The following USP11 variants were observed in gnomAD, a reference collection of about 807,000 sequenced individuals.
The protein encoded by USP11 is ubiquitin carboxyl-terminal hydrolase 11.
USP11 carries 5 observed loss-of-function variants against 72.8 expected under a neutral mutation model. That is an observed-to-expected ratio of 0.07 (90% CI 0.04 to 0.14). The LOEUF is 0.14. USP11 is among the 10% of genes least tolerant of loss of function. The probability of loss-of-function intolerance (pLI) is 1.00; values close to 1 mark genes in which losing one functional copy is unlikely to be tolerated. For synonymous variants in USP11, 368 were observed against 326.5 expected (o/e 1.13, Z -1.37); for missense variants, 480 against 794.7 (o/e 0.60, Z 4.76).
At chrX:47,237,413 T>G (rs956016922) in intron 1 of USP11, among the ~76,000 whole-genome samples, 3 of 111,351 alleles carry the variant, frequency 2.7e-5, no homozygotes, top group African/African-American at 9.8e-5. Context: ...AGGTGACTTG[T>G]GACTATTCCA....
rs779991733 is a variant in USP11 at position 47,233,066 on chromosome X, C to T, written c.23C>T (p.Pro8Leu). The T allele has an allele frequency of 1.1e-5, 13 of 1,208,049 alleles. No individual in the cohort carries two copies. The Admixed American group carries it at 2.9e-4, about 27-fold the overall frequency. Residue 8 changes from proline to leucine, a missense_variant, in exon 1 of 21, where the codon CCA (proline) becomes CTA (leucine). By Grantham distance (98) the Pro-to-Leu change is moderately conservative (BLOSUM62 -3). Transcript: ENST00000377107. ...GCGATGGCGACGGTCGCAGCAAATC[C>T]AGCTGCTGCTGCGGCGGCTGTGGCG... The part of the protein sequence containing the change: MATVAAN[P>L]AAAAAAVAAA...
intron 1 of USP11, among the ~76,000 whole-genome samples, chrX:47,236,446 T>C (rs1212008085): frequency 8.9e-6 from 1 of 112,620 alleles, no homozygotes; most frequent in Non-Finnish European, 1.9e-5. Flanking sequence ...TTCTGTCTTT[T>C]GTCAGCTGGC....
At chrX:47,244,097 C>CTTTTT (rs200759841) in intron 13 of USP11, among the ~76,000 whole-genome samples, 2 of 92,270 alleles carry the variant, frequency 2.2e-5, no homozygotes, top group Admixed American at 1.2e-4. Flanking sequence ...CGCTCCATAC[C>CTTTTT]TTTTTTTTTT....
intron 12 of USP11, 68 bp downstream of exon 12, chrX:47,242,788 G>A (rs1464429715): frequency 2.3e-6 from 2 of 851,719 alleles, no homozygotes; most frequent in African/African-American, 2.0e-5. Context: ...GTATGGTCCT[G>A]CCTTAACCAC....
intron 1 of USP11, 79 bp from the exon 2 acceptor site, chrX:47,238,991 C>A: frequency 1.6e-6 from 1 of 642,722 alleles, no homozygotes; most frequent in Non-Finnish European, 2.4e-6. Context: ...TCAATACTTT[C>A]AGTCTGTTGG....
chrX:47,238,253 T>G (rs1569234608), intron 1 of USP11, among the ~76,000 whole-genome samples: 2 of 104,278 alleles, frequency 1.9e-5, no homozygotes, highest in African/African-American at 7.1e-5. Context: ...AGTGATGCAG[T>G]CTCGGCTCAC....
intron 12 of USP11, among the ~76,000 whole-genome samples, chrX:47,243,001 C>T (rs893626997): frequency 6.7e-4 from 75 of 111,636 alleles, no homozygotes; most frequent in Admixed American, 1.7e-3. Context: ...CGGTGGCTCA[C>T]GCCTGTAATC....
Position 47,241,306 on chromosome X carries a change from G to A in USP11, c.876G>A (p.Glu292=). ...QCLSNVPQLT[E]YFLNNCYLEE... is the part of the protein sequence containing the mutation. ...TCAGCAATGTGCCACAGCTCACCGA[G>A]TACTTCCTCAACAACTGCTACCTGG... The change falls in exon 8 of 21, where the codon GAG becomes GAA. Residue 292 remains glutamate, a synonymous_variant. Transcript: ENST00000377107. The A allele has an allele frequency of 1.7e-6, 2 of 1,210,561 alleles. No individual in the cohort carries two copies. Among genetic ancestry groups the A allele is most frequent in the South Asian group, 3.5e-5 (2 of 56,745 alleles).
Position 47,247,029 on chromosome X carries a change from A to G in USP11, c.2271-43A>G, listed in dbSNP as rs776202076. 3.5e-5 allele frequency: 41 copies of G among 1,162,032 alleles called. 1 individual carries two copies. In the East Asian group the frequency reaches 1.2e-3, roughly 33 times the overall value. ...GAGCGATTCTCTGTCTCAAAAAAAAAAAAAAGAAAAAGTCCGTTTGCTGAC... is the reference window on the plus strand; with the variant it reads ...GAGCGATTCTCTGTCTCAAAAAAAAGAAAAAGAAAAAGTCCGTTTGCTGAC... On this transcript the variant is annotated intron_variant, in intron 17 of 20. Coordinates refer to ENST00000377107, the MANE Select transcript of USP11 (RefSeq NM_001371072.1).
Position 47,241,714 on chromosome X carries a change from C to T in USP11, c.1179+15C>T. 5 of 1,173,827 alleles carry T rather than the reference C, an allele frequency of 4.3e-6. No homozygotes were observed. Among genetic ancestry groups the T allele is most frequent in the Non-Finnish European group, 4.6e-6 (4 of 878,081 alleles). On this transcript the variant is annotated intron_variant, in intron 9 of 20. Transcript: ENST00000377107. ...GACCGGATCAGGTAGGCTGCCCCCG[C>T]ATTTGCAGTCCAATTAACATCACCA...
At chrX:47,233,492 C>A in intron 1 of USP11, 6 of 989,655 alleles carry the variant, frequency 6.1e-6, no homozygotes, top group Non-Finnish European at 7.6e-6. Context: ...GGAGGTGGGG[C>A]CGGGCCTGCG....
Position 47,247,407 on chromosome X carries a change from C to T in USP11, c.2524C>T (p.Arg842Cys), listed in dbSNP as rs1183417765. The T allele has an allele frequency of 4.1e-6, 5 of 1,208,138 alleles. No individual in the cohort carries two copies. Among genetic ancestry groups the T allele is most frequent in the South Asian group, 1.8e-5 (1 of 56,697 alleles). The change falls in exon 19 of 21, where the codon CGT becomes TGT. Residue 842 changes from arginine (R) to cysteine (C), a missense_variant. Arg to Cys is a radical substitution (Grantham distance 180, BLOSUM62 -3). Transcript: ENST00000377107. ...GGTTTCCAACCATTATGGGGGCATGCGTGATGGACACTGTATGTGCCAGGC... is the reference window on the plus strand; with the variant it reads ...GGTTTCCAACCATTATGGGGGCATGTGTGATGGACACTGTATGTGCCAGGC... ...IAVSNHYGGMRDGHYTTFACN... is the reference protein window; with the variant it reads ...IAVSNHYGGMCDGHYTTFACN...
intron 13 of USP11, among the ~76,000 whole-genome samples, chrX:47,243,951 C>T (rs927824026): frequency 1.8e-5 from 2 of 111,435 alleles, no homozygotes; most frequent in African/African-American, 6.5e-5. Context: ...TTTACTGTGG[C>T]ACACAAAGCA....
chrX:47,240,186 T>G (rs1368958993), intron 4 of USP11, 119 bp from the exon 5 acceptor site: 15 of 995,803 alleles, frequency 1.5e-5, no homozygotes, highest in Non-Finnish European at 1.6e-5. Context: ...GGAGACTGAT[T>G]GAGGACACAG....
In USP11 at chrX:47,247,890, G is replaced by C; in HGVS notation, c.2723G>C (p.Cys908Ser). 1 of 1,200,938 alleles carries C rather than the reference G, an allele frequency of 8.3e-7. No homozygotes were observed. The highest frequency in any genetic ancestry group is 1.1e-6 in the Non-Finnish European group (1 of 892,445). The change falls in exon 21 of 21, where the codon TGC becomes TCC. Residue 908 changes from cysteine to serine, a missense_variant. This residue lies in a region of USP11 where 314 missense variants were observed against 556.0 expected (regional missense o/e 0.56). Transcript: ENST00000377107. Reference protein sequence around the residue: ...GSSGAPASPACSSPPSSEFMD... With the variant: ...GSSGAPASPASSSPPSSEFMD... ...TCTGGCGCCCCAGCCTCCCCTGCCTGCAGCTCCCCACCCAGCTCTGAGTTC... is the reference window on the plus strand; with the variant it reads ...TCTGGCGCCCCAGCCTCCCCTGCCTCCAGCTCCCCACCCAGCTCTGAGTTC...
At chrX:47,245,605 T>A (rs2055428531) in intron 17 of USP11, 123 bp downstream of exon 17, 1 of 448,749 alleles carries the variant, frequency 2.2e-6, no homozygotes, top group Admixed American at 4.1e-5. Context: ...AGTGCAGTGG[T>A]ACAATCTCGG....
rs370760399 is a variant in USP11, at chrX:47,247,879, C to T, written c.2712C>T (p.Ala904=). ...CGGCCGGCTCATCTGGCGCCCCAGC[C>T]TCCCCTGCCTGCAGCTCCCCACCCA... ...LSPAGSSGAP[A]SPACSSPPSS... The change falls in exon 21 of 21, where the codon GCC becomes GCT. Residue 904 remains alanine (A), a synonymous_variant. Transcript: ENST00000377107. 6.6e-6 allele frequency: 8 copies of T among 1,206,691 alleles called. No individual in the cohort carries two copies. The African/African-American group carries it at 8.8e-5, about 13-fold the overall frequency.
At position 47,242,201 on chromosome X, in the gene USP11, G is replaced by C. The variant is rs371492517; in HGVS notation, c.1299G>C (p.Val433=). 8.3e-7 allele frequency: 1 copy of C among 1,210,025 alleles called. No individual in the cohort carries two copies. The highest frequency in any genetic ancestry group is 1.7e-5 in the African/African-American group (1 of 57,256). Residue 433 remains valine (V), a synonymous_variant, in exon 10 of 21, where the codon GTG becomes GTC. Transcript: ENST00000377107. Reference sequence around the variant, plus strand: ...GCCCCGATTGTGGCAATGTATCTGTGACCTTCGACCCCTTCTGCTACCTCA... The same window carrying C: ...GCCCCGATTGTGGCAATGTATCTGTCACCTTCGACCCCTTCTGCTACCTCA... ...LVCPDCGNVS[V]TFDPFCYLSV...
In USP11 at chrX:47,247,953, A is replaced by G. The variant is rs1334961423; in HGVS notation, c.*23A>G. 1.5e-5 allele frequency: 7 copies of G among 479,699 alleles called. No individual in the cohort carries two copies. Among genetic ancestry groups the G allele is most frequent in the Admixed American group, 6.1e-5 (1 of 16,457 alleles). The allele number at this position is 479,699 out of a possible 1,213,427, so 39.5% of individuals were successfully genotyped here. ...TGAGAGCCCTGGGTCCTGCCACAGA[A>G]AAAAAAAAAAAAAAGCCCTCTCTGC... is the stretch of plus-strand genomic sequence containing the variant. On this transcript the variant is annotated 3_prime_UTR_variant, in exon 21 of 21. Coordinates refer to ENST00000377107, the MANE Select transcript of USP11 (RefSeq NM_001371072.1).
Sources: gnomAD v4.1 joint callset for allele counts (sites outside exome capture counted in the v4.1 genomes callset) on GRCh38, gnomAD v4.1.1 for gene constraint, gnomAD v4.1.1 regional missense constraint, MANE v1.5 for transcripts, NCBI Gene and HGNC (gene_info 2026-07-23, HGNC 2026-07-21) for gene names.